The following LSAMP variants were observed in gnomAD, a reference collection of about 807,000 sequenced individuals.
LSAMP encodes the protein limbic system-associated membrane protein.
A neutral mutation model predicts 38.6 loss-of-function variants in LSAMP; 7 were observed. That is an observed-to-expected ratio of 0.18 (90% CI 0.10 to 0.34). The LOEUF (loss-of-function observed/expected upper bound fraction) is 0.34, where lower values mean the gene tolerates loss of function less well. LSAMP is among the 10% of genes least tolerant of loss of function. LSAMP has a pLI of 1.00. For missense variants in LSAMP, 313 were observed against 420.0 expected (o/e 0.75, Z 2.23); for synonymous variants, 154 against 166.8 (o/e 0.92, Z 0.59).
chr3:116,413,072 C>T (rs1354418038), intron 1 of LSAMP, among the ~76,000 whole-genome samples: 2 of 152,010 alleles, frequency 1.3e-5, no homozygotes, highest in Non-Finnish European at 2.9e-5. Flanking sequence ...TTCCACCTAG[C>T]AATCCATTTT....
In LSAMP at chr3:116,442,540, A is replaced by G. The variant is rs551117497; in HGVS notation, c.155+2337T>C. Among the ~76,000 whole-genome samples, 17 of 152,246 alleles carry G rather than the reference A, an allele frequency of 1.1e-4. No individual in the cohort carries two copies. The South Asian group carries it at 2.9e-3, about 26-fold the overall frequency. On this transcript the variant is annotated intron_variant, in intron 1 of 6. Transcript: ENST00000490035. Reference sequence around the variant, plus strand: ...ACCAGGAAACTGACCCAGAAAGCTTACCGGTTTTAAAGAGATTGAGAAGAA... The same window carrying G: ...ACCAGGAAACTGACCCAGAAAGCTTGCCGGTTTTAAAGAGATTGAGAAGAA...
chr3:115,808,927 ATC>A lies in LSAMP; in HGVS notation c.*1388_*1389del, dbSNP rs1933716388. On this transcript the variant is annotated 3_prime_UTR_variant, in exon 7 of 7. Transcript: ENST00000490035. ...TGTATTTTATCTGAAATAGGAAACA[ATC>A]TCTGCTCAGGGGAATTCATGGGACA... 6.6e-6 allele frequency: 1 copy of A among 152,188 alleles called. No homozygotes were observed. Among genetic ancestry groups the A allele is most frequent in the Admixed American group, 6.5e-5 (1 of 15,286 alleles). The allele number at this position is 152,188 out of a possible 1,614,324, so 9.4% of individuals were successfully genotyped here.
intron 1 of LSAMP, among the ~76,000 whole-genome samples, chr3:116,289,480 C>CTT (rs2047235513): frequency 6.6e-6 from 1 of 152,076 alleles, no homozygotes; most frequent in South Asian, 2.1e-4. Flanking sequence ...TCATAACAAA[C>CTT]TTAGAAAATG....
chr3:115,947,580 A>C (rs1231864385), intron 3 of LSAMP, among the ~76,000 whole-genome samples: 2 of 152,192 alleles, frequency 1.3e-5, no homozygotes, highest in Non-Finnish European at 2.9e-5. Context: ...ATTTCTTGAC[A>C]TGGGTTGTAG....
At chr3:115,863,727 T>G (rs1232529646) in intron 3 of LSAMP, among the ~76,000 whole-genome samples, 1 of 151,728 alleles carries the variant, frequency 6.6e-6, no homozygotes, top group Non-Finnish European at 1.5e-5. Flanking sequence ...TGACATAGAT[T>G]ATATATATAT....
intron 1 of LSAMP, among the ~76,000 whole-genome samples, chr3:116,177,958 G>A (rs938085236): frequency 6.6e-6 from 1 of 152,132 alleles, no homozygotes; most frequent in African/African-American, 2.4e-5. Flanking sequence ...AGAGATACTG[G>A]AGTTAAATCA....
chr3:116,443,867 G>C (rs1263655008), intron 1 of LSAMP, among the ~76,000 whole-genome samples: 1 of 152,100 alleles, frequency 6.6e-6, no homozygotes, highest in Non-Finnish European at 1.5e-5. Flanking sequence ...ACAAGGGGTA[G>C]GTACAGTTGG....
At chr3:115,920,173 T>C (rs1035789746) in intron 3 of LSAMP, among the ~76,000 whole-genome samples, 1 of 152,242 alleles carries the variant, frequency 6.6e-6, no homozygotes, top group Non-Finnish European at 1.5e-5. Flanking sequence ...TTAAAGATCC[T>C]GATTTCAATT....
chr3:116,115,733 T>C (rs1708726995), intron 1 of LSAMP, among the ~76,000 whole-genome samples: 1 of 147,652 alleles, frequency 6.8e-6, no homozygotes, highest in Non-Finnish European at 1.5e-5. Flanking sequence ...CATTTTCCTA[T>C]AGAATTTTGA....
chr3:116,259,464 T>C (rs186291607), intron 1 of LSAMP, among the ~76,000 whole-genome samples: 119 of 152,226 alleles, frequency 7.8e-4, no homozygotes, highest in Non-Finnish European at 1.5e-3. Flanking sequence ...TAAACTAAAA[T>C]TGGAAAATTT....
At chr3:116,016,764 A>G (rs897259805) in intron 3 of LSAMP, among the ~76,000 whole-genome samples, 5 of 152,212 alleles carry the variant, frequency 3.3e-5, no homozygotes, top group Non-Finnish European at 5.9e-5. Context: ...TGAATTGTAT[A>G]TATATAGATA....
intron 3 of LSAMP, among the ~76,000 whole-genome samples, chr3:115,912,221 C>A (rs1488108657): frequency 6.6e-6 from 1 of 152,268 alleles, no homozygotes; most frequent in African/African-American, 2.4e-5. Context: ...CCTAAGGACA[C>A]TTTGCCTAAC....
In LSAMP at chr3:115,841,930, G is replaced by T; in HGVS notation, c.834C>A (p.Thr278=). 6.2e-7 allele frequency: 1 copy of T among 1,613,886 alleles called. No homozygotes were observed. The highest frequency in any genetic ancestry group is 8.5e-7 in the Non-Finnish European group (1 of 1,179,996). ...TGCCGTAGTGCTCCTCAGTGACGTT[G>T]GTCACCGTCAGGGAAGACTGGCCCT... ...STEGQSSLTV[T]NVTEEHYGNY... The change falls in exon 6 of 7, where the codon ACC becomes ACA. Residue 278 remains threonine (T), a synonymous_variant. Coordinates refer to ENST00000490035, the MANE Select transcript of LSAMP (RefSeq NM_002338.5).
intron 1 of LSAMP, among the ~76,000 whole-genome samples, chr3:116,302,758 A>G (rs1187559581): frequency 1.3e-5 from 2 of 152,188 alleles, no homozygotes; most frequent in Non-Finnish European, 2.9e-5. Context: ...GACAAATAAC[A>G]TGATGTGATT....
intron 1 of LSAMP, among the ~76,000 whole-genome samples, chr3:116,434,318 T>G (rs987245128): frequency 7.9e-5 from 12 of 152,312 alleles, no homozygotes; most frequent in Middle Eastern, 3.4e-3. Flanking sequence ...AGCTAAATTC[T>G]GGGATGAAAA....
intron 1 of LSAMP, among the ~76,000 whole-genome samples, chr3:116,120,634 G>A (rs1708852835): frequency 1.3e-5 from 2 of 152,304 alleles, no homozygotes; most frequent in Admixed American, 1.3e-4. Flanking sequence ...GCTAGGGCTA[G>A]TCCCAGGTTC....
intron 1 of LSAMP, among the ~76,000 whole-genome samples, chr3:116,270,911 T>C (rs565634841): frequency 6.6e-6 from 1 of 152,154 alleles, no homozygotes; most frequent in Non-Finnish European, 1.5e-5. Context: ...AGCTCTGAGA[T>C]CTCAACAAAG....
chr3:115,955,070 G>T (rs1295575299), intron 3 of LSAMP, among the ~76,000 whole-genome samples: 6 of 151,336 alleles, frequency 4.0e-5, no homozygotes, highest in Non-Finnish European at 8.8e-5. Context: ...TTCTCCTGCC[G>T]CAGCCTCCCG....
intron 1 of LSAMP, among the ~76,000 whole-genome samples, chr3:116,092,948 A>T (rs1416884545): frequency 6.6e-6 from 1 of 152,214 alleles, no homozygotes; most frequent in Middle Eastern, 3.2e-3. Context: ...TTAGGATTCA[A>T]ATTTGTCCAG....
Sources: allele counts gnomAD v4.1 joint callset (sites outside exome capture counted in the v4.1 genomes callset), GRCh38; gene constraint gnomAD v4.1.1; transcripts MANE v1.5; gene names NCBI Gene and HGNC (gene_info 2026-07-23, HGNC 2026-07-21).